The following SIL1 variants were observed in gnomAD, a reference collection of about 807,000 sequenced individuals.
SIL1 encodes nucleotide exchange factor SIL1.
SIL1 carries 40 observed loss-of-function variants against 49.1 expected under a neutral mutation model. That is an observed-to-expected ratio of 0.81 (90% CI 0.63 to 1.06). SIL1 has a LOEUF of 1.06. Ranked by LOEUF, SIL1 falls within the 50% of genes least tolerant of loss-of-function variation. SIL1 has a pLI of 0.00. For missense variants in SIL1, 500 were observed against 572.6 expected, an observed-to-expected ratio of 0.87 and a Z score of 1.29; for synonymous variants, 253 against 250.8, an observed-to-expected ratio of 1.01 and a Z score of -0.08.
At chr5:138,952,032 CAA>C (rs753786608) in intron 7 of SIL1, 148 bp from the exon 8 acceptor site, 6 of 758,664 alleles carry the variant, frequency 7.9e-6, no homozygotes, top group Non-Finnish European at 1.4e-5. Context: ...GCTGGGGAAA[CAA>C]AGACCATCTG....
At chr5:139,170,833 G>GC (rs1229400675) in intron 1 of SIL1, among the ~76,000 whole-genome samples, 3 of 148,774 alleles carry the variant, frequency 2.0e-5, no homozygotes, top group East Asian at 4.1e-4. Flanking sequence ...GGGGGGGTCA[G>GC]CCCCCCGCCC....
chr5:139,144,681 G>C (rs1183492661), intron 1 of SIL1, among the ~76,000 whole-genome samples: 2 of 152,146 alleles, frequency 1.3e-5, no homozygotes, highest in African/African-American at 4.8e-5. Flanking sequence ...AACCAGCCTG[G>C]CCAACATGGC....
chr5:139,071,666 AT>A (rs67604334), intron 3 of SIL1, among the ~76,000 whole-genome samples: 10,456 of 127,318 alleles, frequency 0.082, 251 homozygotes, highest in Non-Finnish European at 0.1. Context: ...TATTATTAGC[AT>A]TTTTTTTTTT....
rs1751573672 is a variant in SIL1 at position 139,164,213 on chromosome 5, C to G, written c.-11+34056G>C. ...AAATGACTTGCCAAAGGCCACGCAACATGTACATGGCACAAAGCCAGGAAG... is the reference window on the plus strand; with the variant it reads ...AAATGACTTGCCAAAGGCCACGCAAGATGTACATGGCACAAAGCCAGGAAG... On this transcript the variant is annotated intron_variant, in intron 1 of 9. Transcript: ENST00000394817. 2.6e-5 allele frequency among the ~76,000 whole-genome samples: 4 copies of G among 151,810 alleles called. No individual in the cohort carries two copies. In the South Asian group the frequency reaches 8.3e-4, roughly 32 times the overall value.
Position 138,947,296 on chromosome 5 carries a change from C to T in SIL1, c.1207G>A (p.Val403Ile), listed in dbSNP as rs780630431. The T allele has an allele frequency of 4.5e-5, 72 of 1,613,498 alleles. 2 individuals are homozygous for T. Among genetic ancestry groups the T allele is most frequent in the Middle Eastern group, 3.3e-4 (2 of 6,062 alleles). ...AREKVLQTLG[V>I]LLTTCRDRYR... ...CGGTCCCGGCAGGTGGTCAGGAGGA[C>T]GCCCAGTGTCTGCAGCACCTTCTCA... The change falls in exon 10 of 10, where the codon GTC becomes ATC. Residue 403 changes from valine (V) to isoleucine (I), a missense_variant. Val to Ile is a conservative substitution (Grantham distance 29, BLOSUM62 3). Transcript: ENST00000394817. The surrounding 1 kb of genome is among the most constrained non-coding windows in gnomAD (Gnocchi z 4.1).
At chr5:139,025,936 T>G (rs906309409) in intron 6 of SIL1, among the ~76,000 whole-genome samples, 7 of 152,156 alleles carry the variant, frequency 4.6e-5, no homozygotes, top group Non-Finnish European at 1.0e-4. Context: ...CCAATAAAAT[T>G]TTATTTAGGA....
chr5:139,138,947 C>T (rs1043967442), intron 1 of SIL1, among the ~76,000 whole-genome samples: 1 of 152,202 alleles, frequency 6.6e-6, no homozygotes, highest in Non-Finnish European at 1.5e-5. Context: ...TCCATTGAAA[C>T]CTTTAAGCGA....
intron 7 of SIL1, among the ~76,000 whole-genome samples, chr5:139,007,579 A>G (rs2150416412): frequency 1.5e-5 from 1 of 65,932 alleles, no homozygotes; most frequent in Non-Finnish European, 2.7e-5. Context: ...CCCATTCAGT[A>G]TGATATTGGC....
chr5:139,076,324 C>T (rs1769947186), intron 3 of SIL1, among the ~76,000 whole-genome samples: 1 of 152,162 alleles, frequency 6.6e-6, no homozygotes, highest in African/African-American at 2.4e-5. Context: ...TCAGAGTTAT[C>T]TATTACTCTG....
intron 1 of SIL1, among the ~76,000 whole-genome samples, chr5:139,189,272 C>T (rs531249858): frequency 3.9e-5 from 6 of 152,322 alleles, no homozygotes; most frequent in Admixed American, 6.5e-5. Context: ...TGCTCCCCAA[C>T]GCTTGCATTA....
intron 3 of SIL1, among the ~76,000 whole-genome samples, chr5:139,068,655 G>GAAA (rs745799045): frequency 2.5e-4 from 16 of 64,788 alleles, no homozygotes; most frequent in East Asian, 1.0e-3. Context: ...GAATGAAAAG[G>GAAA]AAAAAAAAAA....
In SIL1 at chr5:139,153,312, A is replaced by G. The variant is rs1751344468; in HGVS notation, c.-10-25459T>C. Reference sequence around the variant, plus strand: ...GAGGCCTTCCCCAACCCTCCCCACTACAGCAAATTCAGTGCTGCCAGAGCA... The same window carrying G: ...GAGGCCTTCCCCAACCCTCCCCACTGCAGCAAATTCAGTGCTGCCAGAGCA... On this transcript the variant is annotated intron_variant, in intron 1 of 9. Coordinates refer to ENST00000394817, the MANE Select transcript of SIL1 (RefSeq NM_022464.5). Among the ~76,000 whole-genome samples, 3 of 152,036 alleles carry G rather than the reference A, an allele frequency of 2.0e-5. No individual in the cohort carries two copies. The South Asian group carries it at 6.2e-4, about 32-fold the overall frequency.
intron 3 of SIL1, among the ~76,000 whole-genome samples, chr5:139,109,600 T>TG (rs1770797006): frequency 6.6e-6 from 1 of 150,730 alleles, no homozygotes; most frequent in East Asian, 2.0e-4. Context: ...CAATGGACCA[T>TG]GGGCTCCAAA....
chr5:139,176,072 T>C (rs1247827805), intron 1 of SIL1, among the ~76,000 whole-genome samples: 1 of 152,170 alleles, frequency 6.6e-6, no homozygotes, highest in African/African-American at 2.4e-5. Context: ...CACAGCTCAC[T>C]GCAGTCTCAA....
In SIL1 at chr5:139,039,668, T is replaced by C. The variant is rs116449192; in HGVS notation, c.453+2952A>G. Among the ~76,000 whole-genome samples, 524 of 152,300 alleles carry C rather than the reference T, an allele frequency of 3.4e-3. 4 individuals are homozygous for C. The highest frequency in any genetic ancestry group is 6.2e-3 in the Non-Finnish European group (424 of 68,020). On this transcript the variant is annotated intron_variant, in intron 5 of 9. Coordinates refer to ENST00000394817, the MANE Select transcript of SIL1 (RefSeq NM_022464.5). ...TTTTAGAGTCTTCCTACATTTGCCTTTAGTATTATGTCCAGGGTTTTTAGT... is the reference window on the plus strand; with the variant it reads ...TTTTAGAGTCTTCCTACATTTGCCTCTAGTATTATGTCCAGGGTTTTTAGT...
At chr5:139,091,098 A>G (rs968982269) in intron 3 of SIL1, among the ~76,000 whole-genome samples, 11 of 152,260 alleles carry the variant, frequency 7.2e-5, no homozygotes, top group African/African-American at 2.7e-4. Flanking sequence ...ATCTGGGAGT[A>G]GTAAATAATA....
intron 3 of SIL1, among the ~76,000 whole-genome samples, chr5:139,072,907 G>A (rs1474465588): frequency 1.3e-5 from 2 of 151,994 alleles, no homozygotes; most frequent in Non-Finnish European, 2.9e-5. Context: ...ACCTAAATAG[G>A]CAGTTGCCAA....
chr5:138,964,941 A>G (rs1767105206), intron 7 of SIL1, among the ~76,000 whole-genome samples: 1 of 152,232 alleles, frequency 6.6e-6, no homozygotes, highest in Non-Finnish European at 1.5e-5. Context: ...GTACAAGGGC[A>G]GGGCCTGAGG....
At chr5:139,187,411 G>A (rs1752094381) in intron 1 of SIL1, among the ~76,000 whole-genome samples, 1 of 152,122 alleles carries the variant, frequency 6.6e-6, no homozygotes, top group South Asian at 2.1e-4. Flanking sequence ...CAGCTACTTG[G>A]GAGGCTGAGG....
Sources: allele counts gnomAD v4.1 joint callset (sites outside exome capture counted in the v4.1 genomes callset), GRCh38; gene constraint gnomAD v4.1.1; non-coding constraint Gnocchi (gnomAD v3.1); transcripts MANE v1.5; gene names NCBI Gene and HGNC (gene_info 2026-07-23, HGNC 2026-07-21).